CEP85L: variants seen among roughly 807,000 people sequenced by gnomAD.
CEP85L encodes centrosomal protein of 85 kDa-like.
Under a neutral mutation model 100.3 loss-of-function variants are expected in CEP85L, and 60 were observed. The observed-to-expected ratio is 0.60, with a 90% CI of 0.49 to 0.74. The LOEUF (loss-of-function observed/expected upper bound fraction) is 0.74, where lower values mean the gene tolerates loss of function less well. CEP85L is among the 30% of genes least tolerant of loss of function. The pLI is 0.00. For missense variants in CEP85L, 973 were observed against 936.2 expected (o/e 1.04, Z -0.51); for synonymous variants, 319 against 322.7 (o/e 0.99, Z 0.12).
At chr6:118,550,265 T>C (rs921957030) in intron 3 of CEP85L, among the ~76,000 whole-genome samples, 1 of 151,828 alleles carries the variant, frequency 6.6e-6, no homozygotes, top group Non-Finnish European at 1.5e-5. Flanking sequence ...ATATCTTTAA[T>C]TAGTGAGATT....
intron 3 of CEP85L, chr6:118,558,863 C>G: frequency 7.3e-7 from 1 of 1,367,972 alleles, no homozygotes; most frequent in Non-Finnish European, 1.0e-6. Flanking sequence ...ATTTGGCTGC[C>G]AGCTTTTTAT....
At chr6:118,520,406 T>C (rs1037075830) in intron 4 of CEP85L, among the ~76,000 whole-genome samples, 1 of 152,150 alleles carries the variant, frequency 6.6e-6, no homozygotes, top group Non-Finnish European at 1.5e-5. Context: ...GTTTTGAAAA[T>C]ATGCATTTTT....
At chr6:118,516,283 G>A (rs1159023414) in intron 4 of CEP85L, among the ~76,000 whole-genome samples, 2 of 152,124 alleles carry the variant, frequency 1.3e-5, no homozygotes, top group Non-Finnish European at 2.9e-5. Flanking sequence ...TGGGATTGCT[G>A]GGTCAAATGG....
At chr6:118,619,114 C>T (rs1773269693) in intron 2 of CEP85L, among the ~76,000 whole-genome samples, 1 of 151,656 alleles carries the variant, frequency 6.6e-6, no homozygotes, top group African/African-American at 2.4e-5. Flanking sequence ...GAAGATGAGT[C>T]CCTAAGACTA....
At chr6:118,501,501 C>T (rs1360096505) in intron 5 of CEP85L, 1 of 461,788 alleles carries the variant, frequency 2.2e-6, no homozygotes, top group African/African-American at 2.0e-5. Flanking sequence ...GATTTTATTG[C>T]TCCTGGCTAC....
intron 3 of CEP85L, among the ~76,000 whole-genome samples, chr6:118,554,290 T>G (rs1039996839): frequency 1.3e-5 from 2 of 151,968 alleles, no homozygotes; most frequent in East Asian, 1.9e-4. Flanking sequence ...CTGTCAGTCA[T>G]TCATTCATCC....
intron 1 of CEP85L, among the ~76,000 whole-genome samples, chr6:118,698,058 G>T (rs1346884370): frequency 6.6e-6 from 1 of 152,166 alleles, no homozygotes; most frequent in East Asian, 1.9e-4. Context: ...GCTGCAGCCT[G>T]GACCAGCTGG....
chr6:118,598,929 G>A (rs972685580), intron 2 of CEP85L, among the ~76,000 whole-genome samples: 1 of 152,102 alleles, frequency 6.6e-6, no homozygotes, highest in African/African-American at 2.4e-5. Flanking sequence ...GATAAGCAAG[G>A]GAGAAGGGCT....
At chr6:118,577,874 C>T (rs1448408703) in intron 2 of CEP85L, among the ~76,000 whole-genome samples, 1 of 152,130 alleles carries the variant, frequency 6.6e-6, no homozygotes, top group East Asian at 1.9e-4. Flanking sequence ...TATAGGTGTA[C>T]TCATTCTTGT....
intron 3 of CEP85L, among the ~76,000 whole-genome samples, chr6:118,531,561 C>A (rs545803647): frequency 4.6e-4 from 70 of 152,184 alleles, no homozygotes; most frequent in African/African-American, 1.6e-3. Flanking sequence ...AAACTATCAA[C>A]AGAATAAACA....
At chr6:118,632,767 A>G (rs1774246827) in intron 1 of CEP85L, among the ~76,000 whole-genome samples, 156 bp from the exon 2 acceptor site, 1 of 152,236 alleles carries the variant, frequency 6.6e-6, no homozygotes, top group African/African-American at 2.4e-5. Flanking sequence ...AACCAAATAA[A>G]TGTATATATC....
chr6:118,516,848 T>C (rs564408296), intron 4 of CEP85L, among the ~76,000 whole-genome samples: 3 of 152,256 alleles, frequency 2.0e-5, no homozygotes, highest in Non-Finnish European at 4.4e-5. Flanking sequence ...TGGTACTGCC[T>C]AGGTTTTCTT....
At chr6:118,674,297 G>A (rs1776409943) in intron 1 of CEP85L, among the ~76,000 whole-genome samples, 4 of 152,212 alleles carry the variant, frequency 2.6e-5, no homozygotes, top group South Asian at 2.1e-4. Flanking sequence ...AGGCCAAGGC[G>A]GGTGGATCAC....
At position 118,566,095 on chromosome 6, in the gene CEP85L, G is replaced by C. The variant is rs1583062044; in HGVS notation, c.454C>G (p.Pro152Ala). The change falls in exon 3 of 13, where the codon CCA becomes GCA. Residue 152 changes from proline to alanine, a missense_variant. Physicochemically the swap from Pro to Ala is conservative, Grantham distance 27 (BLOSUM62 -1). Coordinates refer to ENST00000368491, the MANE Select transcript of CEP85L (RefSeq NM_001042475.3). ...GATAAAGATGACCATTTCCGAAGTG[G>C]CCGGAAGTCCTTCATGTCTAGGGAA... ...DSSLDMKDFR[P>A]LRKWSSLSKL... The C allele has an allele frequency of 1.2e-6, 2 of 1,614,148 alleles. No individual in the cohort carries two copies.
intron 3 of CEP85L, among the ~76,000 whole-genome samples, chr6:118,528,224 T>TA (rs1372840198): frequency 2.6e-5 from 4 of 151,464 alleles, no homozygotes; most frequent in African/African-American, 9.7e-5. Flanking sequence ...TCTTTTTTTT[T>TA]TTTTAACGTT....
rs541568379 is a variant in CEP85L, at chr6:118,606,535, A to AT, written c.232+25917dup. 3.4e-3 allele frequency among the ~76,000 whole-genome samples: 511 copies of AT among 152,350 alleles called. 4 individuals carry two copies. The highest frequency in any genetic ancestry group is 0.012 in the African/African-American group (494 of 41,586). On this transcript the variant is annotated intron_variant, in intron 2 of 12. Transcript: ENST00000368491. ...CAGAGGCTTTTAACTATTTAATATG[A>AT]TTTTTAGAGCTAACTATGACATGAA...
intron 2 of CEP85L, among the ~76,000 whole-genome samples, chr6:118,603,870 T>C (rs1232271537): frequency 1.3e-5 from 2 of 152,248 alleles, no homozygotes; most frequent in African/African-American, 4.8e-5. Context: ...AGACAACAAT[T>C]GTCTGTGGAT....
rs1779496628 is a variant in CEP85L, at chr6:118,566,206, T to A, written c.343A>T (p.Arg115Trp). ...GAGCCATCTGGTGTCAATGATTCCC[T>A]AAGTTTGGAAATTGAAGCGCTGGAA... is the stretch of plus-strand genomic sequence containing the variant. ...SNSSASISKL[R>W]ESLTPDGSKW... Residue 115 changes from arginine to tryptophan, a missense_variant, in exon 3 of 13, where the codon AGG (arginine) becomes TGG (tryptophan). By Grantham distance (101) the Arg-to-Trp change is moderately radical. Around this residue, in one of 3 missense-constraint regions of CEP85L, gnomAD observed 890 missense variants for 844.5 expected, o/e 1.05. Coordinates refer to ENST00000368491, the MANE Select transcript of CEP85L (RefSeq NM_001042475.3). 6.2e-7 allele frequency: 1 copy of A among 1,614,128 alleles called. No homozygotes were observed. The highest frequency in any genetic ancestry group is 8.5e-7 in the Non-Finnish European group (1 of 1,180,006).
At chr6:118,702,879 C>T (rs2114367720) in intron 1 of CEP85L, among the ~76,000 whole-genome samples, 1 of 152,010 alleles carries the variant, frequency 6.6e-6, no homozygotes. Flanking sequence ...GCCTGTAGTC[C>T]CAGCTACTCG....
Sources: allele counts gnomAD v4.1 joint callset (sites outside exome capture counted in the v4.1 genomes callset), GRCh38; gene constraint gnomAD v4.1.1; regional missense constraint gnomAD v4.1.1; transcripts MANE v1.5; gene names NCBI Gene and HGNC (gene_info 2026-07-23, HGNC 2026-07-21).